The following HTR1F variants were observed in gnomAD, a reference collection of about 807,000 sequenced individuals.
The protein encoded by HTR1F is 5-hydroxytryptamine receptor 1F.
In HTR1F, 17 loss-of-function variants were observed where a neutral mutation model predicts 24.0. The ratio of observed to expected loss-of-function variants is 0.71; its 90% CI spans 0.48 to 1.06. The LOEUF (loss-of-function observed/expected upper bound fraction) is 1.06. HTR1F is among the 50% of genes least tolerant of loss of function. HTR1F has a pLI of 0.00. For synonymous variants in HTR1F, 186 were observed against 156.8 expected (o/e 1.19, Z -1.39); for missense variants, 391 against 427.8 (o/e 0.91, Z 0.76).
At chr3:87,832,249 ATAAT>A (rs759325762) in intron 2 of HTR1F, among the ~76,000 whole-genome samples, 7 of 152,072 alleles carry the variant, frequency 4.6e-5, no homozygotes, top group South Asian at 2.1e-4. Context: ...GATAGTAGAA[ATAAT>A]TAATTATATG....
intron 2 of HTR1F, among the ~76,000 whole-genome samples, chr3:87,886,110 A>T (rs1705935849): frequency 6.6e-6 from 1 of 152,200 alleles, no homozygotes; most frequent in South Asian, 2.1e-4. Flanking sequence ...TGGCAAACTG[A>T]ATCTAGCATC....
chr3:87,891,336 G>C (rs1032063878), intron 2 of HTR1F, among the ~76,000 whole-genome samples: 4 of 151,924 alleles, frequency 2.6e-5, no homozygotes, highest in Admixed American at 2.0e-4. Context: ...TCTTTGATCA[G>C]TGCTTAATTG....
At chr3:87,874,175 T>C (rs1368723438) in intron 2 of HTR1F, among the ~76,000 whole-genome samples, 1 of 151,764 alleles carries the variant, frequency 6.6e-6, no homozygotes, top group Non-Finnish European at 1.5e-5. Context: ...TTGGCAAAAA[T>C]AAATAAATGT....
chr3:87,823,518 T>A (rs963698391), intron 2 of HTR1F, among the ~76,000 whole-genome samples: 12 of 97,124 alleles, frequency 1.2e-4, no homozygotes, highest in East Asian at 5.0e-4. Context: ...GGTCCCATAT[T>A]TTTTTTTTTT....
intron 2 of HTR1F, among the ~76,000 whole-genome samples, chr3:87,900,866 T>G (rs1706305511): frequency 6.6e-6 from 1 of 152,154 alleles, no homozygotes; most frequent in African/African-American, 2.4e-5. Flanking sequence ...TTGAGATGCG[T>G]ATTAGACATC....
intron 2 of HTR1F, among the ~76,000 whole-genome samples, chr3:87,873,231 G>A (rs1276011813): frequency 6.6e-6 from 1 of 151,824 alleles, no homozygotes; most frequent in African/African-American, 2.4e-5. Context: ...AACTAGAAAC[G>A]CCAGTAGTAT....
intron 2 of HTR1F, among the ~76,000 whole-genome samples, chr3:87,869,148 A>G (rs1372653155): frequency 1.3e-5 from 2 of 152,078 alleles, no homozygotes; most frequent in African/African-American, 4.8e-5. Flanking sequence ...TTCTGCATAC[A>G]ACAACAAACA....
intron 1 of HTR1F, among the ~76,000 whole-genome samples, chr3:87,795,658 G>C (rs1019334683): frequency 6.6e-6 from 1 of 152,152 alleles, no homozygotes; most frequent in Non-Finnish European, 1.5e-5. Context: ...CAGTTCCCGT[G>C]CCCTGTAAGT....
chr3:87,935,786 T>G lies in HTR1F; in HGVS notation c.-42-54922T>G, dbSNP rs555725899. On this transcript the variant is annotated intron_variant, in intron 2 of 2. Transcript: ENST00000319595. ...TTTATTTAATGGGCTGCAAGTGAAA[T>G]GCTTTGGAAAAAGAAATTATTTCTT... is the stretch of plus-strand genomic sequence containing the variant. Among the ~76,000 whole-genome samples the G allele has an allele frequency of 5.3e-4, 80 of 152,230 alleles. 1 individual carries two copies. Among genetic ancestry groups the G allele is most frequent in the African/African-American group, 1.8e-3 (74 of 41,542 alleles).
chr3:87,859,322 C>T (rs1395165691), intron 2 of HTR1F, among the ~76,000 whole-genome samples: 1 of 152,164 alleles, frequency 6.6e-6, no homozygotes, highest in African/African-American at 2.4e-5. Context: ...ATACTTCATA[C>T]TACTAAATTG....
chr3:87,966,210 C>CT (rs1705159471), intron 2 of HTR1F, among the ~76,000 whole-genome samples: 3 of 152,152 alleles, frequency 2.0e-5, no homozygotes, highest in Non-Finnish European at 4.4e-5. Flanking sequence ...TCTCAAGCCT[C>CT]TTTTATAAAG....
At chr3:87,975,258 T>C (rs1466032429) in intron 2 of HTR1F, among the ~76,000 whole-genome samples, 1 of 150,972 alleles carries the variant, frequency 6.6e-6, no homozygotes, top group African/African-American at 2.4e-5. Context: ...GCTTCAAAAA[T>C]CTCCAAAAAG....
chr3:87,869,446 TAG>T (rs1705506140), intron 2 of HTR1F, among the ~76,000 whole-genome samples: 1 of 124,750 alleles, frequency 8.0e-6, no homozygotes, highest in African/African-American at 3.9e-5. Flanking sequence ...CATAGATAGA[TAG>T]ATAGATGATA....
At chr3:87,951,839 C>A (rs867841260) in intron 2 of HTR1F, among the ~76,000 whole-genome samples, 1 of 152,054 alleles carries the variant, frequency 6.6e-6, no homozygotes. Flanking sequence ...TTCATCTCCT[C>A]CTGTTTCCTG....
rs1221491884 is a variant in HTR1F at position 87,844,787 on chromosome 3, TC to T, written c.-43+22665del. On this transcript the variant is annotated intron_variant, in intron 2 of 2. Coordinates refer to ENST00000319595, the MANE Select transcript of HTR1F (RefSeq NM_001322209.2). ...CCAGCACCATTTATTAAATAGGGAA[TC>T]CTTTCCCCATTGCTTGTTTTTCTCA... Among the ~76,000 whole-genome samples the T allele has an allele frequency of 2.0e-5, 3 of 147,966 alleles. No homozygotes were observed. In the East Asian group the frequency reaches 5.9e-4, roughly 29 times the overall value.
In HTR1F at chr3:87,873,127, C is replaced by CAG. The variant is rs762762430; in HGVS notation, c.-43+51004_-43+51005insGA. ...ACACACACACACACACACACACACA[C>CAG]ACACACAGAGAGATTTATGAGATTT... On this transcript the variant is annotated intron_variant, in intron 2 of 2. Coordinates refer to ENST00000319595, the MANE Select transcript of HTR1F (RefSeq NM_001322209.2). 1.2e-3 allele frequency among the ~76,000 whole-genome samples: 177 copies of CAG among 144,112 alleles called. 4 individuals carry two copies. The highest frequency in any genetic ancestry group is 4.2e-3 in the African/African-American group (153 of 36,496). The allele number at this position is 144,112 out of a possible 152,430, so 94.5% of individuals were successfully genotyped here.
chr3:87,907,018 A>T (rs1703681950), intron 2 of HTR1F, among the ~76,000 whole-genome samples: 1 of 151,936 alleles, frequency 6.6e-6, no homozygotes, highest in South Asian at 2.1e-4. Flanking sequence ...ATCTTTTTTT[A>T]TATAATGACT....
At position 87,802,320 on chromosome 3, in the gene HTR1F, C is replaced by T. The variant is rs113262010; in HGVS notation, c.-160+9478C>T. On this transcript the variant is annotated intron_variant, in intron 1 of 2. Coordinates refer to ENST00000319595, the MANE Select transcript of HTR1F (RefSeq NM_001322209.2). ...CCTCCCTTCCTTCCTTCCTTCCTCC[C>T]TTCCTTCTTTCCCTCTTTCTCTCTT... Among the ~76,000 whole-genome samples, 413 of 137,846 alleles carry T rather than the reference C, an allele frequency of 3.0e-3. 6 individuals are homozygous for T. Among genetic ancestry groups the T allele is most frequent in the African/African-American group, 0.011 (390 of 35,506 alleles). 90.4% of individuals were successfully genotyped at this position (137,846 alleles called of 152,430 possible).
intron 2 of HTR1F, among the ~76,000 whole-genome samples, chr3:87,942,571 G>C (rs760338517): frequency 6.6e-6 from 1 of 152,108 alleles, no homozygotes; most frequent in African/African-American, 2.4e-5. Flanking sequence ...CTTGACATAA[G>C]GGGCTTGGAT....
Sources: allele counts gnomAD v4.1 joint callset (sites outside exome capture counted in the v4.1 genomes callset), GRCh38; gene constraint gnomAD v4.1.1; transcripts MANE v1.5; gene names NCBI Gene and HGNC (gene_info 2026-07-23, HGNC 2026-07-21).